Variants in ZNF804B observed in about 807,000 individuals in gnomAD.
The protein encoded by ZNF804B is zinc finger protein 804B, also known as zinc finger 804B.
ZNF804B carries 80 observed loss-of-function variants against 101.4 expected under a neutral mutation model. That is an observed-to-expected ratio of 0.79 (90% CI 0.66 to 0.95). The LOEUF (loss-of-function observed/expected upper bound fraction) is 0.95, where lower values mean the gene tolerates loss of function less well. ZNF804B is among the 40% of genes least tolerant of loss of function. The probability of loss-of-function intolerance (pLI) is 0.00; values close to 1 mark genes in which losing one functional copy is unlikely to be tolerated. For synonymous variants in ZNF804B, 622 were observed against 558.8 expected, an observed-to-expected ratio of 1.11 and a Z score of -1.59; for missense variants, 1,673 against 1,561.9, an observed-to-expected ratio of 1.07 and a Z score of -1.20.
intron 1 of ZNF804B, among the ~76,000 whole-genome samples, chr7:88,903,040 T>A (rs1226737038): frequency 6.6e-6 from 1 of 152,070 alleles, no homozygotes; most frequent in African/African-American, 2.4e-5. Flanking sequence ...ATGGATCCTG[T>A]CAAACAAGTA....
At chr7:88,766,747 G>A (rs1027008939) in intron 1 of ZNF804B, among the ~76,000 whole-genome samples, 5 of 152,228 alleles carry the variant, frequency 3.3e-5, no homozygotes, top group Middle Eastern at 6.8e-3. Flanking sequence ...TAGATCTGTT[G>A]TGAAAACAAG....
At position 89,219,957 on chromosome 7, in the gene ZNF804B, A is replaced by G. The variant is rs144629694; in HGVS notation, c.249+1662A>G. Reference sequence around the variant, plus strand: ...TGTGCATATATATGTATATACATATATGTGTGCATATATATGTATATACAT... The same window carrying G: ...TGTGCATATATATGTATATACATATGTGTGTGCATATATATGTATATACAT... On this transcript the variant is annotated intron_variant, in intron 2 of 3. Transcript: ENST00000333190. Among the ~76,000 whole-genome samples the G allele has an allele frequency of 8.4e-4, 110 of 130,726 alleles. 2 individuals carry two copies. Among genetic ancestry groups the G allele is most frequent in the African/African-American group, 3.2e-3 (93 of 29,082 alleles). The allele number at this position is 130,726 out of a possible 152,430, so 85.8% of individuals were successfully genotyped here.
intron 2 of ZNF804B, among the ~76,000 whole-genome samples, chr7:89,289,249 A>G (rs919206424): frequency 2.0e-5 from 3 of 152,146 alleles, no homozygotes; most frequent in Non-Finnish European, 4.4e-5. Flanking sequence ...TCGTTACGTT[A>G]AATATAATGG....
chr7:88,852,057 A>G (rs1791456689), intron 1 of ZNF804B, among the ~76,000 whole-genome samples: 1 of 152,138 alleles, frequency 6.6e-6, no homozygotes, highest in African/African-American at 2.4e-5. Flanking sequence ...GGTAGATACC[A>G]TGGAAGAAAT....
intron 2 of ZNF804B, among the ~76,000 whole-genome samples, chr7:89,320,193 A>G (rs1790797658): frequency 6.6e-6 from 1 of 152,174 alleles, no homozygotes; most frequent in African/African-American, 2.4e-5. Context: ...AACTTAAAAT[A>G]TAAATAAATG....
intron 1 of ZNF804B, among the ~76,000 whole-genome samples, chr7:88,935,758 A>G (rs1011486404): frequency 3.3e-5 from 5 of 151,990 alleles, no homozygotes; most frequent in Admixed American, 2.0e-4. Flanking sequence ...AGTAGGTGCC[A>G]TAAGTTTTCA....
At chr7:89,184,060 G>A (rs1393945004) in intron 1 of ZNF804B, among the ~76,000 whole-genome samples, 2 of 152,058 alleles carry the variant, frequency 1.3e-5, no homozygotes, top group Non-Finnish European at 2.9e-5. Flanking sequence ...TATGGAGGCC[G>A]GCTCCAAATT....
At chr7:89,035,598 C>T (rs1227630939) in intron 1 of ZNF804B, among the ~76,000 whole-genome samples, 2 of 151,748 alleles carry the variant, frequency 1.3e-5, no homozygotes, top group African/African-American at 4.8e-5. Flanking sequence ...GACAGCGTGA[C>T]GAACTTTTGA....
At chr7:88,904,511 A>C (rs1347480093) in intron 1 of ZNF804B, among the ~76,000 whole-genome samples, 2 of 152,134 alleles carry the variant, frequency 1.3e-5, no homozygotes, top group African/African-American at 4.8e-5. Context: ...GCTTGATAGA[A>C]ATGGCATTGA....
At chr7:89,268,815 G>T (rs1014797510) in intron 2 of ZNF804B, among the ~76,000 whole-genome samples, 1 of 151,938 alleles carries the variant, frequency 6.6e-6, no homozygotes, top group Admixed American at 6.6e-5. Context: ...GAAGGGATAA[G>T]CTTTCCTCAT....
intron 1 of ZNF804B, among the ~76,000 whole-genome samples, chr7:88,862,511 AG>A (rs1352373578): frequency 6.6e-6 from 1 of 152,212 alleles, no homozygotes; most frequent in Non-Finnish European, 1.5e-5. Context: ...CTAATACTAT[AG>A]ATACAACAAA....
chr7:88,999,291 CTT>C (rs1251863713), intron 1 of ZNF804B, among the ~76,000 whole-genome samples: 1 of 151,938 alleles, frequency 6.6e-6, no homozygotes, highest in African/African-American at 2.4e-5. Flanking sequence ...ATTAAAATGT[CTT>C]ATATCAGTAC....
At chr7:88,904,726 G>A (rs1314340749) in intron 1 of ZNF804B, among the ~76,000 whole-genome samples, 1 of 152,058 alleles carries the variant, frequency 6.6e-6, no homozygotes, top group African/African-American at 2.4e-5. Context: ...AAATGGGATT[G>A]TGTTCTTAAT....
At chr7:88,919,666 T>C (rs1382388964) in intron 1 of ZNF804B, among the ~76,000 whole-genome samples, 1 of 152,186 alleles carries the variant, frequency 6.6e-6, no homozygotes, top group Non-Finnish European at 1.5e-5. Context: ...GTGTTTCCTG[T>C]GGTCACGTAG....
rs763858589 is a variant in ZNF804B, at chr7:88,794,608, A to G, written c.108+34524A>G. On this transcript the variant is annotated intron_variant, in intron 1 of 3. Transcript: ENST00000333190. ...ATCTTTGACATGGCCAATATAATCT[A>G]AAAGAACTTTGTAGAGAGTGTCGCT... 7.4e-6 allele frequency: 12 copies of G among 1,613,576 alleles called. No individual in the cohort carries two copies. In the Admixed American group the frequency reaches 1.7e-4, roughly 22 times the overall value.
chr7:88,951,191 C>G (rs970667014), intron 1 of ZNF804B, among the ~76,000 whole-genome samples: 7 of 151,818 alleles, frequency 4.6e-5, no homozygotes, highest in Admixed American at 2.6e-4. Flanking sequence ...AAGGATGATG[C>G]TTCTTTTCTA....
At chr7:88,923,432 T>C (rs1792752873) in intron 1 of ZNF804B, among the ~76,000 whole-genome samples, 2 of 152,132 alleles carry the variant, frequency 1.3e-5, no homozygotes, top group African/African-American at 4.8e-5. Context: ...GGAAAATAAG[T>C]CTATAATGTT....
At chr7:89,170,479 C>G (rs1791206566) in intron 1 of ZNF804B, among the ~76,000 whole-genome samples, 1 of 152,030 alleles carries the variant, frequency 6.6e-6, no homozygotes, top group Admixed American at 6.6e-5. Context: ...AGGTTTCTTT[C>G]TTTTAGTTTA....
intron 1 of ZNF804B, among the ~76,000 whole-genome samples, chr7:88,856,285 G>A (rs1297605519): frequency 6.6e-5 from 10 of 152,056 alleles, no homozygotes; most frequent in Non-Finnish European, 1.5e-4. Flanking sequence ...ATTTCCTTGA[G>A]CAGTGGTTTG....
Sources: gnomAD v4.1 joint callset for allele counts (sites outside exome capture counted in the v4.1 genomes callset) on GRCh38, gnomAD v4.1.1 for gene constraint, MANE v1.5 for transcripts, NCBI Gene and HGNC (gene_info 2026-07-23, HGNC 2026-07-21) for gene names.